The following PGM1 variants were observed in gnomAD, a reference collection of about 807,000 sequenced individuals.
PGM1 encodes the protein phosphoglucomutase 1, also known as phosphoglucomutase-1.
A neutral mutation model predicts 55.6 loss-of-function variants in PGM1; 52 were observed. The observed-to-expected ratio is 0.94, with a 90% CI of 0.75 to 1.18. The LOEUF is 1.18. PGM1 is among the 50% of genes most tolerant of loss of function. The pLI is 0.00. For synonymous variants in PGM1, 287 were observed against 271.7 expected, an observed-to-expected ratio of 1.06 and a Z score of -0.55; for missense variants, 724 against 729.3, an observed-to-expected ratio of 0.99 and a Z score of 0.08.
intron 1 of PGM1, among the ~76,000 whole-genome samples, chr1:63,622,114 T>C (rs1648892643): frequency 6.6e-6 from 1 of 152,150 alleles, no homozygotes; most frequent in Admixed American, 6.5e-5. Flanking sequence ...AATCTCAGCC[T>C]CCCAGGTTCA....
intron 6 of PGM1, 131 bp downstream of exon 6, chr1:63,636,519 T>C (rs1334854798): frequency 1.5e-5 from 15 of 1,001,840 alleles, no homozygotes; most frequent in Non-Finnish European, 2.2e-5. Flanking sequence ...TGCTGAGCGA[T>C]TCTTGTGTGA....
chr1:63,596,784 G>A (rs906482189), intron 1 of PGM1, among the ~76,000 whole-genome samples: 12 of 152,190 alleles, frequency 7.9e-5, no homozygotes, highest in South Asian at 4.1e-4. Flanking sequence ...GAAATTTTCC[G>A]TTTACATGTC....
intron 1 of PGM1, among the ~76,000 whole-genome samples, chr1:63,614,078 G>T (rs552205597): frequency 7.4e-4 from 113 of 152,270 alleles, no homozygotes; most frequent in Non-Finnish European, 1.3e-3. Flanking sequence ...CCACTGAGTT[G>T]TTATTAAGCC....
At chr1:63,622,787 A>G (rs964076094) in intron 1 of PGM1, among the ~76,000 whole-genome samples, 1 of 152,168 alleles carries the variant, frequency 6.6e-6, no homozygotes, top group African/African-American at 2.4e-5. Context: ...TTTTTTCCTG[A>G]TAGATTGCAT....
intron 1 of PGM1, chr1:63,594,279 C>T (rs1647971119): frequency 3.7e-6 from 1 of 272,110 alleles, no homozygotes; most frequent in Admixed American, 6.8e-5. Flanking sequence ...CACCCATCCC[C>T]CTGGGGCGTC....
chr1:63,645,947 G>T (rs1403463747), intron 7 of PGM1, among the ~76,000 whole-genome samples: 1 of 152,166 alleles, frequency 6.6e-6, no homozygotes, highest in African/African-American at 2.4e-5. Context: ...GGGGAGAAAG[G>T]CTCACAAACA....
Position 63,593,985 on chromosome 1 carries a change from G to A in PGM1, c.246+251G>A, listed in dbSNP as rs1647957749. 11 of 1,176,102 alleles carry A rather than the reference G, an allele frequency of 9.4e-6. No individual in the cohort carries two copies. In the South Asian group the frequency reaches 1.7e-4, roughly 18 times the overall value. The allele number at this position is 1,176,102 out of a possible 1,614,324, so 72.9% of individuals were successfully genotyped here. A position where few individuals can be genotyped will look rare whatever the true frequency, so the allele number is the denominator to read the frequency against. ...ACTCCCGGGGCGCCGGGAGGTGCGG[G>A]CGCGGAGCCTCCCAAGGTCACGCCC... On this transcript the variant is annotated intron_variant, in intron 1 of 10. Coordinates refer to ENST00000371084, the MANE Select transcript of PGM1 (RefSeq NM_002633.3).
rs756647995 is a variant in PGM1, at chr1:63,654,461, C to A, written c.1594C>A (p.Pro532Thr). The A allele has an allele frequency of 1.9e-6, 3 of 1,613,864 alleles. No individual in the cohort carries two copies. The highest frequency in any genetic ancestry group is 2.5e-6 in the Non-Finnish European group (3 of 1,179,852). Residue 532 changes from proline (P) to threonine (T), a missense_variant, in exon 10 of 11, where the codon CCC becomes ACC. Around this residue, in one of 3 missense-constraint regions of PGM1, gnomAD observed 316 missense variants for 313.1 expected, o/e 1.01. Coordinates refer to ENST00000371084, the MANE Select transcript of PGM1 (RefSeq NM_002633.3). The stretch of plus-strand genomic sequence containing the variant: ...GGACGTTGCCAAGATTAACCAGGAC[C>A]CCCAGGTAACGCCCAGCCCTGTGCC... ...EKDVAKINQDPQVMLAPLISI... is the reference protein window; with the variant it reads ...EKDVAKINQDTQVMLAPLISI...
At chr1:63,641,467 G>C (rs1649516147) in intron 7 of PGM1, among the ~76,000 whole-genome samples, 2 of 152,160 alleles carry the variant, frequency 1.3e-5, no homozygotes, top group South Asian at 4.1e-4. Context: ...CCTTGCTAGT[G>C]AATGTTTCCA....
Position 63,629,944 on chromosome 1 carries a change from C to T in PGM1, c.412C>T (p.Pro138Ser). 2.5e-6 allele frequency: 4 copies of T among 1,614,010 alleles called. No homozygotes were observed. Among genetic ancestry groups the T allele is most frequent in the Non-Finnish European group, 2.5e-6 (3 of 1,179,942 alleles). ...ACTGTTTGCTGTTTGGTTTCCAGGT[C>T]CTGCTCCAGAAGCAATAACTGATAA... The part of the protein sequence containing the change: ...GIKFNISNGG[P>S]APEAITDKIF... The change falls in exon 3 of 11, where the codon CCT becomes TCT. Residue 138 changes from proline to serine, a missense_variant and splice_region_variant. By Grantham distance (74) the Pro-to-Ser change is moderately conservative. Around this residue, in one of 3 missense-constraint regions of PGM1, gnomAD observed 379 missense variants for 357.5 expected, o/e 1.06. Coordinates refer to ENST00000371084, the MANE Select transcript of PGM1 (RefSeq NM_002633.3).
chr1:63,596,282 G>A (rs1169278058), intron 1 of PGM1, among the ~76,000 whole-genome samples: 4 of 121,856 alleles, frequency 3.3e-5, no homozygotes, highest in Admixed American at 2.9e-4. Context: ...TTTTTGAGAC[G>A]GAGTCTTACT....
At chr1:63,639,538 A>C (rs1451597555) in intron 7 of PGM1, among the ~76,000 whole-genome samples, 1 of 151,792 alleles carries the variant, frequency 6.6e-6, no homozygotes, top group South Asian at 2.1e-4. Flanking sequence ...CTCTTTCCTA[A>C]AAGTCTGTTC....
At chr1:63,621,678 A>G (rs1447835464) in intron 1 of PGM1, among the ~76,000 whole-genome samples, 1 of 152,240 alleles carries the variant, frequency 6.6e-6, no homozygotes, top group East Asian at 1.9e-4. Flanking sequence ...TTTTAAAAAC[A>G]AATTAAGAGC....
intron 1 of PGM1, chr1:63,623,190 G>A (rs752697320): frequency 7.9e-7 from 1 of 1,269,678 alleles, no homozygotes; most frequent in Non-Finnish European, 9.9e-7. Flanking sequence ...ATTTGGCTTG[G>A]TTAAGTGGGC....
rs1014028753 is a variant in PGM1 at position 63,629,404 on chromosome 1, G to A, written c.247-21G>A. The A allele has an allele frequency of 2.5e-6, 4 of 1,610,092 alleles. No homozygotes were observed. The African/African-American group carries it at 5.3e-5, about 22-fold the overall frequency. On this transcript the variant is annotated intron_variant, in intron 1 of 10. Coordinates refer to ENST00000371084, the MANE Select transcript of PGM1 (RefSeq NM_002633.3). ...TGGATGTATTGATGTTAAAGAGTGT[G>A]TTCTGGATTTCTTCTCCTAGATCGG...
At chr1:63,632,087 C>T (rs1429467642) in intron 4 of PGM1, among the ~76,000 whole-genome samples, 1 of 152,060 alleles carries the variant, frequency 6.6e-6, no homozygotes, top group Non-Finnish European at 1.5e-5. Context: ...ACCTTACATT[C>T]TTGCTGCATG....
chr1:63,627,892 T>G lies in PGM1; in HGVS notation c.247-1533T>G, dbSNP rs1649079550. ...CTGGAAACTGCTGGAAGGTGAAATG[T>G]CACTGTGTTGAGTCAGGACGTTTCA... On this transcript the variant is annotated intron_variant, in intron 1 of 10. Coordinates refer to ENST00000371084, the MANE Select transcript of PGM1 (RefSeq NM_002633.3). Among the ~76,000 whole-genome samples the G allele has an allele frequency of 2.6e-5, 4 of 152,286 alleles. No homozygotes were observed. In the South Asian group the frequency reaches 8.3e-4, roughly 32 times the overall value.
At chr1:63,601,395 C>T (rs1648239013) in intron 1 of PGM1, among the ~76,000 whole-genome samples, 1 of 152,160 alleles carries the variant, frequency 6.6e-6, no homozygotes, top group African/African-American at 2.4e-5. Flanking sequence ...GTCTGGACCC[C>T]TTTAGACTTT....
chr1:63,636,516 C>T (rs1409067493), intron 6 of PGM1, 128 bp downstream of exon 6: 3 of 1,017,408 alleles, frequency 2.9e-6, no homozygotes, highest in African/African-American at 1.6e-5. Flanking sequence ...GTGTGCTGAG[C>T]GATTCTTGTG....
Sources: gnomAD v4.1 joint callset for allele counts (sites outside exome capture counted in the v4.1 genomes callset) on GRCh38, gnomAD v4.1.1 for gene constraint, gnomAD v4.1.1 regional missense constraint, MANE v1.5 for transcripts, NCBI Gene and HGNC (gene_info 2026-07-23, HGNC 2026-07-21) for gene names.